Variants in NDST4 observed in about 807,000 individuals in gnomAD.
The protein encoded by NDST4 is N-heparan sulfate sulfotransferase 4.
Under a neutral mutation model 100.8 loss-of-function variants are expected in NDST4, and 63 were observed. That is an observed-to-expected ratio of 0.62 (90% CI 0.51 to 0.77). The LOEUF (loss-of-function observed/expected upper bound fraction) is 0.77. Among genes scored for constraint, NDST4 ranks in the 30% least tolerant of loss-of-function variants. The pLI, the probability that NDST4 is intolerant of heterozygous loss-of-function variation, is 0.00. For missense variants in NDST4, 943 were observed against 1,018.4 expected (o/e 0.93, Z 1.01); for synonymous variants, 377 against 361.8 (o/e 1.04, Z -0.48).
chr4:115,110,581 C>T (rs1371818142), intron 1 of NDST4, among the ~76,000 whole-genome samples: 1 of 151,834 alleles, frequency 6.6e-6, no homozygotes, highest in Non-Finnish European at 1.5e-5. Flanking sequence ...TTTCACATTT[C>T]TTTGTTTTGG....
intron 8 of NDST4, among the ~76,000 whole-genome samples, chr4:114,852,362 A>G (rs1231002623): frequency 1.3e-5 from 2 of 152,150 alleles, no homozygotes; most frequent in Non-Finnish European, 2.9e-5. Flanking sequence ...TCGGGCCAAA[A>G]CATGTTTTTA....
chr4:114,972,797 C>T (rs1000573639), intron 3 of NDST4, among the ~76,000 whole-genome samples: 2 of 151,970 alleles, frequency 1.3e-5, no homozygotes, highest in Admixed American at 6.6e-5. Context: ...GCAGGAAGCA[C>T]ATAATGCACA....
chr4:115,023,538 C>T (rs2126266404), intron 2 of NDST4, among the ~76,000 whole-genome samples: 1 of 151,174 alleles, frequency 6.6e-6, no homozygotes, highest in South Asian at 2.1e-4. Context: ...CACCTGTTCC[C>T]CAATAACCTA....
At chr4:114,913,800 G>C (rs1453706434) in intron 6 of NDST4, among the ~76,000 whole-genome samples, 2 of 150,264 alleles carry the variant, frequency 1.3e-5, no homozygotes, top group Non-Finnish European at 3.0e-5. Flanking sequence ...ATATGGCATA[G>C]TAATGCATTG....
chr4:114,889,748 G>A (rs1320108068), intron 6 of NDST4, among the ~76,000 whole-genome samples: 1 of 152,150 alleles, frequency 6.6e-6, no homozygotes, highest in South Asian at 2.1e-4. Flanking sequence ...AAAAAGCACA[G>A]AGCTTAATAT....
At chr4:114,917,111 C>T (rs1725190118) in intron 6 of NDST4, among the ~76,000 whole-genome samples, 1 of 152,074 alleles carries the variant, frequency 6.6e-6, no homozygotes, top group Non-Finnish European at 1.5e-5. Context: ...ATAACCTATG[C>T]ATATCCTCCC....
intron 8 of NDST4, among the ~76,000 whole-genome samples, chr4:114,851,415 C>T (rs1293739277): frequency 3.3e-5 from 5 of 152,116 alleles, no homozygotes; most frequent in African/African-American, 9.7e-5. Context: ...AAGCCAAAAC[C>T]AGCTAAATGC....
At chr4:115,049,684 C>T (rs1200837328) in intron 2 of NDST4, among the ~76,000 whole-genome samples, 1 of 151,974 alleles carries the variant, frequency 6.6e-6, no homozygotes, top group East Asian at 1.9e-4. Context: ...AGATGTAGAG[C>T]AGGGATTAAA....
chr4:114,836,095 C>A (rs920933038), intron 11 of NDST4, among the ~76,000 whole-genome samples: 3 of 152,156 alleles, frequency 2.0e-5, no homozygotes, highest in Non-Finnish European at 4.4e-5. Flanking sequence ...TGAATTGGGG[C>A]ATTTAACCCA....
intron 6 of NDST4, among the ~76,000 whole-genome samples, chr4:114,881,733 A>G (rs913391416): frequency 2.0e-5 from 3 of 152,134 alleles, no homozygotes; most frequent in African/African-American, 7.2e-5. Flanking sequence ...CATAAGAGAC[A>G]TGTTTGTAAT....
chr4:114,936,002 A>G (rs1725621908), intron 5 of NDST4, among the ~76,000 whole-genome samples: 1 of 151,810 alleles, frequency 6.6e-6, no homozygotes, highest in Non-Finnish European at 1.5e-5. Context: ...TTTTTTTTCA[A>G]AATTATTTGC....
chr4:115,066,287 C>A (rs533774342), intron 2 of NDST4, among the ~76,000 whole-genome samples: 1 of 152,220 alleles, frequency 6.6e-6, no homozygotes, highest in South Asian at 2.1e-4. Context: ...ACAATTTTGG[C>A]AATTTTTTAA....
chr4:114,841,127 G>A (rs11931643), intron 10 of NDST4, among the ~76,000 whole-genome samples: 16,612 of 151,196 alleles, frequency 0.11, 954 homozygotes, highest in Middle Eastern at 0.15. Flanking sequence ...TCTGTTCTAT[G>A]TTGACTTTTA....
At chr4:115,016,076 G>A (rs1312665911) in intron 2 of NDST4, among the ~76,000 whole-genome samples, 2 of 152,028 alleles carry the variant, frequency 1.3e-5, no homozygotes, top group Non-Finnish European at 2.9e-5. Flanking sequence ...CTTATTTATA[G>A]TCATGTTAAT....
chr4:114,969,313 C>CAA (rs1726454623), intron 4 of NDST4, among the ~76,000 whole-genome samples: 1 of 45,992 alleles, frequency 2.2e-5, no homozygotes, highest in African/African-American at 1.1e-4. Flanking sequence ...GACTCCGTCT[C>CAA]AAAAAAAGAA....
intron 2 of NDST4, among the ~76,000 whole-genome samples, chr4:115,047,373 G>T (rs554924215): frequency 1.3e-5 from 2 of 152,082 alleles, no homozygotes; most frequent in African/African-American, 4.8e-5. Context: ...CAGACAGACA[G>T]GCACACATTT....
intron 2 of NDST4, among the ~76,000 whole-genome samples, chr4:115,027,519 A>C (rs141990722): frequency 6.3e-4 from 96 of 152,220 alleles, no homozygotes; most frequent in African/African-American, 2.2e-3. Context: ...GATTCACAGG[A>C]TTTATTTTAG....
At chr4:114,851,777 C>G (rs962509836) in intron 8 of NDST4, among the ~76,000 whole-genome samples, 2 of 152,168 alleles carry the variant, frequency 1.3e-5, no homozygotes, top group South Asian at 2.1e-4. Flanking sequence ...CATGTGTTAA[C>G]TTACTGTTGT....
chr4:114,833,772 G>T, intron 11 of NDST4, 57 bp from the exon 12 acceptor site: 1 of 1,081,534 alleles, frequency 9.2e-7, no homozygotes, highest in Non-Finnish European at 1.4e-6. Flanking sequence ...AATAGACTGT[G>T]ATGCCTTCCT....
Sources: allele counts gnomAD v4.1 joint callset (sites outside exome capture counted in the v4.1 genomes callset), GRCh38; gene constraint gnomAD v4.1.1; transcripts MANE v1.5; gene names NCBI Gene and HGNC (gene_info 2026-07-23, HGNC 2026-07-21).